VCAN: variants seen among roughly 807,000 people sequenced by gnomAD.
VCAN encodes the protein versican core protein.
VCAN carries 44 observed loss-of-function variants against 245.5 expected under a neutral mutation model. That is an observed-to-expected ratio of 0.18 (90% confidence interval 0.14 to 0.23). The LOEUF is 0.23. Among genes scored for constraint, VCAN ranks in the 10% least tolerant of loss-of-function variants. VCAN has a pLI of 1.00. For missense variants in VCAN, 3,793 were observed against 4,057.9 expected (o/e 0.93, Z 1.77); for synonymous variants, 1,413 against 1,437.0 (o/e 0.98, Z 0.38).
chr5:83,515,954 C>A (rs563070559), intron 6 of VCAN, among the ~76,000 whole-genome samples: 2 of 152,170 alleles, frequency 1.3e-5, no homozygotes, highest in African/African-American at 4.8e-5. Flanking sequence ...TTGAATTGGC[C>A]GGGCGCGGTC....
intron 10 of VCAN, among the ~76,000 whole-genome samples, chr5:83,550,813 G>T (rs1391408071): frequency 6.7e-6 from 1 of 149,794 alleles, no homozygotes; most frequent in Non-Finnish European, 1.5e-5. Flanking sequence ...CTTGAACCTG[G>T]GAGGCAGAGG....
intron 12 of VCAN, among the ~76,000 whole-genome samples, chr5:83,563,765 C>T (rs1357147236): frequency 1.3e-5 from 2 of 152,140 alleles, no homozygotes; most frequent in Non-Finnish European, 2.9e-5. Context: ...AAGAAGTCAG[C>T]TCTTACTGCA....
intron 12 of VCAN, among the ~76,000 whole-genome samples, chr5:83,572,031 A>G (rs1748307787): frequency 6.6e-6 from 1 of 152,172 alleles, no homozygotes; most frequent in Non-Finnish European, 1.5e-5. Context: ...ATGTGCACAT[A>G]AGAGGTAGAA....
At position 83,538,304 on chromosome 5, in the gene VCAN, A is replaced by G. The variant is rs867406061; in HGVS notation, c.5301A>G (p.Ser1767=). 4 of 1,614,084 alleles carry G rather than the reference A, an allele frequency of 2.5e-6. No homozygotes were observed. The highest frequency in any genetic ancestry group is 1.7e-4 in the Middle Eastern group (1 of 6,060). The stretch of plus-strand genomic sequence containing the variant: ...CAAATGTAGCTACATCTAGTGATTC[A>G]GGTACCAGGAAAAGTTTTATGTCCT... The part of the protein sequence containing the change: ...ESPNVATSSD[S]GTRKSFMSLT... Residue 1767 remains serine, a synonymous_variant, in exon 8 of 15, where the codon TCA becomes TCG. Transcript: ENST00000265077.
At chr5:83,523,251 C>A (rs1453924868) in intron 7 of VCAN, among the ~76,000 whole-genome samples, 1 of 152,096 alleles carries the variant, frequency 6.6e-6, no homozygotes, top group Non-Finnish European at 1.5e-5. Flanking sequence ...ATAGCAAATG[C>A]AGTTCAATAA....
At position 83,539,849 on chromosome 5, in the gene VCAN, A is replaced by G. The variant is rs775844374; in HGVS notation, c.6846A>G (p.Thr2282=). The G allele has an allele frequency of 6.2e-7, 1 of 1,614,072 alleles. No individual in the cohort carries two copies. Among genetic ancestry groups the G allele is most frequent in the Non-Finnish European group, 8.5e-7 (1 of 1,180,002 alleles). ...NFTEVEQINN[T]LYPHTSQVES... ...CTGAAGTGGAACAAATCAATAACACATTATATCCCCACACTTCTCAAGTGG... is the reference window on the plus strand; with the variant it reads ...CTGAAGTGGAACAAATCAATAACACGTTATATCCCCACACTTCTCAAGTGG... The change falls in exon 8 of 15, where the codon ACA becomes ACG. Residue 2282 remains threonine, a synonymous_variant. Transcript: ENST00000265077.
At chr5:83,525,046 GT>G (rs34155062) in intron 7 of VCAN, among the ~76,000 whole-genome samples, 497 of 132,454 alleles carry the variant, frequency 3.8e-3, no homozygotes, top group South Asian at 0.033. Flanking sequence ...TATAAATCTT[GT>G]TTTTTTTTTT....
chr5:83,521,992 T>C lies in VCAN; in HGVS notation c.3686T>C (p.Ile1229Thr). The C allele has an allele frequency of 6.2e-7, 1 of 1,614,212 alleles. No homozygotes were observed. The highest frequency in any genetic ancestry group is 8.5e-7 in the Non-Finnish European group (1 of 1,180,036). Residue 1229 changes from isoleucine (I) to threonine (T), a missense_variant, in exon 7 of 15, where the codon ATC (isoleucine) becomes ACC (threonine). Transcript: ENST00000265077. The part of the protein sequence containing the change: ...TTSAFKPSSA[I>T]TKKPPLIDRE... The stretch of plus-strand genomic sequence containing the variant: ...TCAGCATTCAAGCCATCTTCCGCGA[T>C]CACTAAGAAACCACCTCTCATCGAC...
chr5:83,568,351 A>G (rs565359310), intron 12 of VCAN, among the ~76,000 whole-genome samples: 3 of 152,184 alleles, frequency 2.0e-5, no homozygotes, highest in Non-Finnish European at 4.4e-5. Flanking sequence ...GGTATCAGAC[A>G]TTCTTGTAAA....
chr5:83,566,220 C>A (rs757553819), intron 12 of VCAN, among the ~76,000 whole-genome samples: 1 of 152,080 alleles, frequency 6.6e-6, no homozygotes, highest in Non-Finnish European at 1.5e-5. Flanking sequence ...CTCAGCCTCC[C>A]AAAATGCTGG....
intron 10 of VCAN, 97 bp from the exon 11 acceptor site, chr5:83,553,267 C>A: frequency 6.6e-7 from 1 of 1,508,582 alleles, no homozygotes; most frequent in Non-Finnish European, 9.1e-7. Context: ...GGACATTGCA[C>A]AGATACTGGC....
intron 10 of VCAN, among the ~76,000 whole-genome samples, chr5:83,551,183 T>G (rs1747451665): frequency 6.6e-6 from 1 of 151,892 alleles, no homozygotes; most frequent in Non-Finnish European, 1.5e-5. Flanking sequence ...TTTTCTTGTT[T>G]AGGAGGAAAA....
chr5:83,558,352 T>C (rs1184430422), intron 12 of VCAN, among the ~76,000 whole-genome samples: 1 of 152,190 alleles, frequency 6.6e-6, no homozygotes, highest in Non-Finnish European at 1.5e-5. Context: ...TGGTGTTAAC[T>C]TGACTGTGTG....
At position 83,578,713 on chromosome 5, in the gene VCAN, A is replaced by G. The variant is rs985940854; in HGVS notation, c.9881-1267A>G. Among the ~76,000 whole-genome samples the G allele has an allele frequency of 2.6e-5, 4 of 152,164 alleles. No homozygotes were observed. In the East Asian group the frequency reaches 7.7e-4, roughly 29 times the overall value. On this transcript the variant is annotated intron_variant, in intron 13 of 14. Coordinates refer to ENST00000265077, the MANE Select transcript of VCAN (RefSeq NM_004385.5). ...ATCATTTTCCCACTGAATATTTGCA[A>G]TATTTCATGAGAGAATGTGGCATGT... is the stretch of plus-strand genomic sequence containing the variant.
At chr5:83,472,296 T>C (rs2112323199) in intron 1 of VCAN, among the ~76,000 whole-genome samples, 1 of 151,204 alleles carries the variant, frequency 6.6e-6, no homozygotes, top group Admixed American at 6.6e-5. Context: ...ACTAACGGAA[T>C]TGGGGGAAGG....
Position 83,521,639 on chromosome 5 carries a change from G to A in VCAN, c.3333G>A (p.Glu1111=). The A allele has an allele frequency of 6.2e-7, 1 of 1,613,876 alleles. No homozygotes were observed. Among genetic ancestry groups the A allele is most frequent in the Non-Finnish European group, 8.5e-7 (1 of 1,180,022 alleles). ...SVSYPPGAVT[E]HKVKTDEVVT... ...CTTATCCACCAGGTGCTGTAACTGA[G>A]CACAAAGTGAAAACAGATGAAGTGG... Residue 1111 remains glutamate (E), a synonymous_variant, in exon 7 of 15, where the codon GAG becomes GAA. Coordinates refer to ENST00000265077, the MANE Select transcript of VCAN (RefSeq NM_004385.5).
chr5:83,492,550 G>A (rs1469411676), intron 3 of VCAN, among the ~76,000 whole-genome samples: 1 of 152,136 alleles, frequency 6.6e-6, no homozygotes, highest in African/African-American at 2.4e-5. Flanking sequence ...TGTTGACATG[G>A]CAAGAGAGGA....
At chr5:83,481,836 G>T (rs1744624876) in intron 1 of VCAN, among the ~76,000 whole-genome samples, 1 of 151,946 alleles carries the variant, frequency 6.6e-6, no homozygotes, top group Non-Finnish European at 1.5e-5. Flanking sequence ...AAGAGAAAAG[G>T]TCTTAATTAA....
intron 7 of VCAN, among the ~76,000 whole-genome samples, chr5:83,530,670 T>C (rs1746483152): frequency 6.6e-6 from 1 of 152,154 alleles, no homozygotes; most frequent in Non-Finnish European, 1.5e-5. Context: ...CAGTGTTTCA[T>C]GTACAAAAAT....
Sources: gnomAD v4.1 joint callset for allele counts (sites outside exome capture counted in the v4.1 genomes callset) on GRCh38, gnomAD v4.1.1 for gene constraint, MANE v1.5 for transcripts, NCBI Gene and HGNC (gene_info 2026-07-23, HGNC 2026-07-21) for gene names.